SYNE2: variants seen among roughly 807,000 people sequenced by gnomAD.
SYNE2 encodes spectrin repeat containing nuclear envelope protein 2.
In SYNE2, 431 loss-of-function variants were observed where a neutral mutation model predicts 856.3. The observed-to-expected ratio is 0.50, with a 90% confidence interval of 0.47 to 0.55. The LOEUF (loss-of-function observed/expected upper bound fraction) is 0.55. Among genes scored for constraint, SYNE2 ranks in the 20% least tolerant of loss-of-function variants. SYNE2 has a pLI of 0.00. For synonymous variants in SYNE2, 2,923 were observed against 2,872.3 expected, an observed-to-expected ratio of 1.02 and a Z score of -0.56; for missense variants, 8,129 against 8,023.2, an observed-to-expected ratio of 1.01 and a Z score of -0.50.
chr14:64,175,054 G>T lies in SYNE2; in HGVS notation c.17346G>T (p.Arg5782Ser). 1 of 1,614,142 alleles carries T rather than the reference G, an allele frequency of 6.2e-7. No individual in the cohort carries two copies. The highest frequency in any genetic ancestry group is 1.3e-5 in the African/African-American group (1 of 75,038). Reference protein sequence around the residue: ...TDLKTKESVGRRISQLQDSWK... With the variant: ...TDLKTKESVGSRISQLQDSWK... ...TGAAAACTAAAGAGTCTGTGGGTAG[G>T]AGAATCAGTCAACTTCAGGACAGCT... is the stretch of plus-strand genomic sequence containing the variant. The change falls in exon 95 of 116, where the codon AGG (arginine) becomes AGT (serine). Residue 5782 changes from arginine to serine, a missense_variant. Around this residue, in one of 3 missense-constraint regions of SYNE2, gnomAD observed 5,410 missense variants for 5,284.8 expected, o/e 1.02. Transcript: ENST00000555002.
rs1482401793 is a variant in SYNE2 at position 64,052,600 on chromosome 14, A to G, written c.8687A>G (p.Gln2896Arg). Residue 2896 changes from glutamine to arginine, a missense_variant, in exon 48 of 116, where the codon CAG becomes CGG. By Grantham distance (43) the Gln-to-Arg change is conservative. This residue lies in a region of SYNE2 where 5,410 missense variants were observed against 5,284.8 expected (regional missense o/e 1.02). Coordinates refer to ENST00000555002, the MANE Select transcript of SYNE2 (RefSeq NM_182914.3). ...GACAGTGGAATCTCAACACATCTTCAGGAGCTAACAAACATCTATGAGGAG... is the reference window on the plus strand; with the variant it reads ...GACAGTGGAATCTCAACACATCTTCGGGAGCTAACAAACATCTATGAGGAG... ...EIDSGISTHLQELTNIYEELN... is the reference protein window; with the variant it reads ...EIDSGISTHLRELTNIYEELN... 1.2e-6 allele frequency: 2 copies of G among 1,614,150 alleles called. No individual in the cohort carries two copies. The highest frequency in any genetic ancestry group is 2.2e-5 in the South Asian group (2 of 91,078).
chr14:64,204,099 T>G (rs1199614909), intron 100 of SYNE2, among the ~76,000 whole-genome samples: 1 of 152,226 alleles, frequency 6.6e-6, no homozygotes, highest in African/African-American at 2.4e-5. Context: ...GTGATATGAT[T>G]TAGTAATGCT....
At chr14:63,927,925 G>A (rs1817333704) in intron 2 of SYNE2, among the ~76,000 whole-genome samples, 2 of 151,974 alleles carry the variant, frequency 1.3e-5, no homozygotes, top group Non-Finnish European at 2.9e-5. Flanking sequence ...CTTCTGCCAT[G>A]ATTGTTAGGC....
chr14:63,858,296 A>ATTTTTTTTTTTTTT (rs1892464817), intron 1 of SYNE2, among the ~76,000 whole-genome samples: 3 of 37,464 alleles, frequency 8.0e-5, no homozygotes, highest in Non-Finnish European at 1.8e-4. Context: ...TTTTTTTTTG[A>ATTTTTTTTTTTTTT]TTTTTAGTAG....
chr14:64,189,643 CCTGA>C (rs1200399039), intron 98 of SYNE2, among the ~76,000 whole-genome samples: 1 of 152,184 alleles, frequency 6.6e-6, no homozygotes, highest in Admixed American at 6.5e-5. Context: ...ATGCGCGTTG[CCTGA>C]CTTTTTAGCT....
chr14:63,812,154 A>G (rs1259013342), intron 1 of SYNE2, among the ~76,000 whole-genome samples: 2 of 152,138 alleles, frequency 1.3e-5, no homozygotes, highest in African/African-American at 4.8e-5. Flanking sequence ...TCTCAACCTC[A>G]TAAGACAGAC....
intron 113 of SYNE2, among the ~76,000 whole-genome samples, chr14:64,223,813 G>A (rs895099016): frequency 1.3e-5 from 2 of 152,070 alleles, no homozygotes; most frequent in African/African-American, 4.8e-5. Flanking sequence ...ACCAGACTTA[G>A]GGCAGGTCTG....
At chr14:63,853,273 C>G (rs1890825331) in intron 1 of SYNE2, 130 bp downstream of exon 1, 1 of 151,850 alleles carries the variant, frequency 6.6e-6, no homozygotes, top group South Asian at 2.1e-4. Flanking sequence ...GAGACGGGAA[C>G]CGACCCGATG....
At chr14:64,199,728 A>G (rs1053885039) in intron 99 of SYNE2, among the ~76,000 whole-genome samples, 5 of 151,426 alleles carry the variant, frequency 3.3e-5, no homozygotes, top group African/African-American at 9.8e-5. Flanking sequence ...AAAAAAAAAA[A>G]AAAAAAAAGT....
intron 1 of SYNE2, 26 bp downstream of exon 1, chr14:63,853,169 C>T (rs1269523246): frequency 6.6e-6 from 1 of 151,348 alleles, no homozygotes; most frequent in Non-Finnish European, 1.5e-5. Flanking sequence ...CGCGGGGCCC[C>T]AGCACCCCGG....
intron 65 of SYNE2, among the ~76,000 whole-genome samples, chr14:64,111,729 C>G (rs978154620): frequency 6.6e-6 from 1 of 151,460 alleles, no homozygotes; most frequent in Non-Finnish European, 1.5e-5. Flanking sequence ...ACCTGGGAGG[C>G]GGAGGTTGCA....
At chr14:64,224,342 C>G (rs2098708470) in intron 113 of SYNE2, 119 bp from the exon 114 acceptor site, 1 of 980,096 alleles carries the variant, frequency 1.0e-6, no homozygotes, top group African/African-American at 1.6e-5. Flanking sequence ...CACAGTGAGA[C>G]TGTCTAAAAC....
rs1243214818 is a variant in SYNE2, at chr14:63,948,780, GTGTATATATATATATATATA to G, written c.409-1043_409-1024del. Among the ~76,000 whole-genome samples the G allele has an allele frequency of 1.5e-4, 12 of 81,990 alleles. 1 individual carries two copies. The highest frequency in any genetic ancestry group is 3.0e-4 in the African/African-American group (6 of 20,078). The allele number at this position is 81,990 out of a possible 152,430, so 53.8% of individuals were successfully genotyped here. On this transcript the variant is annotated intron_variant, in intron 6 of 115. Coordinates refer to ENST00000555002, the MANE Select transcript of SYNE2 (RefSeq NM_182914.3). ...TATATGTATATATATGTATGTGTGT[GTGTATATATATATATATATA>G]TATATATATATATATATATATATGT...
At chr14:63,913,721 CA>C (rs2095501136) in intron 2 of SYNE2, among the ~76,000 whole-genome samples, 1 of 149,602 alleles carries the variant, frequency 6.7e-6, no homozygotes, top group Non-Finnish European at 1.5e-5. Context: ...CCTTGGCTCC[CA>C]AAGTGCTGGG....
rs143281739 is a variant in SYNE2, at chr14:64,019,162, A to G, written c.5050-830A>G. Among the ~76,000 whole-genome samples the G allele has an allele frequency of 1.2e-3, 181 of 152,160 alleles. 2 individuals carry two copies. The highest frequency in any genetic ancestry group is 3.9e-3 in the African/African-American group (162 of 41,532). ...GTGGTGTGTGCCTTTAATCCCAGCT[A>G]TATGGGAGGCTGAGGCAGGAGAATA... On this transcript the variant is annotated intron_variant, in intron 34 of 115. Transcript: ENST00000555002.
intron 2 of SYNE2, among the ~76,000 whole-genome samples, chr14:63,924,832 G>T (rs1402118406): frequency 1.2e-4 from 11 of 92,854 alleles, no homozygotes; most frequent in South Asian, 3.6e-4. Context: ...TCCAGCCTTG[G>T]TGTTTTTTTT....
rs4027403 is a variant in SYNE2, at chr14:64,030,829, G to A, written c.6880-187G>A. ...CAAACATTTTAGTATCTTAAAATAC[G>A]TATTTGAGAATTTGATCCAAGATGC... On this transcript the variant is annotated intron_variant, in intron 44 of 115. Coordinates refer to ENST00000555002, the MANE Select transcript of SYNE2 (RefSeq NM_182914.3). Among the ~76,000 whole-genome samples the A allele has an allele frequency of 0.77, 116,779 of 152,158 alleles. 46,527 individuals are homozygous for A. The highest frequency in any genetic ancestry group is 0.88 in the Non-Finnish European group (59,986 of 68,030).
rs1314068097 is a variant in SYNE2, at chr14:63,961,654, C to T, written c.888+29C>T. 4 of 1,505,992 alleles carry T rather than the reference C, an allele frequency of 2.7e-6. No individual in the cohort carries two copies. The African/African-American group carries it at 5.5e-5, about 21-fold the overall frequency. 93.3% of individuals were successfully genotyped at this position (1,505,992 alleles called of 1,614,324 possible). On this transcript the variant is annotated intron_variant, in intron 9 of 115. Coordinates refer to ENST00000555002, the MANE Select transcript of SYNE2 (RefSeq NM_182914.3). ...TGTTTTCATATGCATAAATCAAGCTCATTTTAGTTGTATCCTGCTAATGGT... is the reference window on the plus strand; with the variant it reads ...TGTTTTCATATGCATAAATCAAGCTTATTTTAGTTGTATCCTGCTAATGGT...
At chr14:63,953,751 C>T (rs2096202240) in intron 7 of SYNE2, among the ~76,000 whole-genome samples, 1 of 152,202 alleles carries the variant, frequency 6.6e-6, no homozygotes, top group South Asian at 2.1e-4. Flanking sequence ...TCCCCATCAT[C>T]CCCCAAACCC....
Sources: allele counts gnomAD v4.1 joint callset (sites outside exome capture counted in the v4.1 genomes callset), GRCh38; gene constraint gnomAD v4.1.1; regional missense constraint gnomAD v4.1.1; transcripts MANE v1.5; gene names NCBI Gene and HGNC (gene_info 2026-07-23, HGNC 2026-07-21).